Variants in LIN28B observed in about 807,000 individuals in gnomAD.
The protein encoded by LIN28B is lin-28 RNA binding posttranscriptional regulator B, also known as protein lin-28 homolog B.
LIN28B carries 5 observed loss-of-function variants against 21.9 expected under a neutral mutation model. That is an observed-to-expected ratio of 0.23 (90% CI 0.12 to 0.48). LIN28B has a LOEUF of 0.48. Ranked by LOEUF, LIN28B falls within the 20% of genes least tolerant of loss-of-function variation. The pLI is 0.98. For missense variants in LIN28B, 245 were observed against 310.5 expected, an observed-to-expected ratio of 0.79 and a Z score of 1.58; for synonymous variants, 109 against 111.3, an observed-to-expected ratio of 0.98 and a Z score of 0.13.
chr6:104,968,742 A>G (rs1769914411), intron 2 of LIN28B, among the ~76,000 whole-genome samples: 1 of 152,184 alleles, frequency 6.6e-6, no homozygotes, highest in African/African-American at 2.4e-5. Flanking sequence ...GAGATAGTGA[A>G]TAGAATGTTC....
At chr6:104,955,339 A>G (rs1395525447), upstream of LIN28B, among the ~76,000 whole-genome samples, 1 of 152,134 alleles carries the variant, frequency 6.6e-6, no homozygotes, top group Non-Finnish European at 1.5e-5. Flanking sequence ...AACAGCTGGC[A>G]CAGGATTATT....
At chr6:105,070,231 G>C (rs924880816) in intron 3 of LIN28B, among the ~76,000 whole-genome samples, 1 of 152,164 alleles carries the variant, frequency 6.6e-6, no homozygotes, top group East Asian at 1.9e-4. Context: ...AATTGGTCTA[G>C]AGTAGGACCA....
chr6:104,989,475 G>A (rs537579492), intron 2 of LIN28B, among the ~76,000 whole-genome samples: 1 of 151,856 alleles, frequency 6.6e-6, no homozygotes, highest in South Asian at 2.1e-4. Flanking sequence ...CGCCCACCTT[G>A]GCCTCCCAAA....
intron 2 of LIN28B, among the ~76,000 whole-genome samples, chr6:104,981,303 G>C (rs1770219343): frequency 6.6e-6 from 1 of 151,984 alleles, no homozygotes; most frequent in Non-Finnish European, 1.5e-5. Flanking sequence ...ATGTCTTTCT[G>C]CTTTAAAGTC....
At chr6:105,009,843 C>T (rs919992251) in intron 2 of LIN28B, among the ~76,000 whole-genome samples, 9 of 152,162 alleles carry the variant, frequency 5.9e-5, no homozygotes, top group Non-Finnish European at 1.3e-4. Context: ...ATTCATTCAT[C>T]AGCTCAGCAG....
At chr6:105,045,684 TAA>T (rs911385502) in intron 3 of LIN28B, 3 of 152,192 alleles carry the variant, frequency 2.0e-5, no homozygotes, top group Admixed American at 6.5e-5. Flanking sequence ...CACTTCATAT[TAA>T]AAGAGTTAAT....
intron 3 of LIN28B, among the ~76,000 whole-genome samples, chr6:105,034,506 A>G (rs1179818618): frequency 6.6e-6 from 1 of 152,030 alleles, no homozygotes; most frequent in Non-Finnish European, 1.5e-5. Flanking sequence ...AGCTTGGGGA[A>G]TTTCTTTAGT....
At chr6:105,002,209 A>G (rs1456336806) in intron 2 of LIN28B, among the ~76,000 whole-genome samples, 1 of 106,512 alleles carries the variant, frequency 9.4e-6, no homozygotes, top group Non-Finnish European at 2.0e-5. Flanking sequence ...GGGTTGGTTC[A>G]TTTTTACCCA....
chr6:104,973,015 G>A (rs927735306), intron 2 of LIN28B, among the ~76,000 whole-genome samples: 7 of 151,962 alleles, frequency 4.6e-5, no homozygotes, highest in Admixed American at 4.6e-4. Flanking sequence ...TGAGGCTGAG[G>A]TGTGAGAATC....
rs191380707 is a variant in LIN28B at position 104,973,642 on chromosome 6, T to C, written c.198+15356T>C. ...TGTCTTTAGCAGAAGTGTCGTTCCT[T>C]GACGAAGAGTGTAGTTGAGAAGAAG... On this transcript the variant is annotated intron_variant, in intron 2 of 3. Transcript: ENST00000345080. Among the ~76,000 whole-genome samples, 268 of 152,352 alleles carry C rather than the reference T, an allele frequency of 1.8e-3. 1 individual carries two copies. Among genetic ancestry groups the C allele is most frequent in the Middle Eastern group, 6.8e-3 (2 of 294 alleles).
At chr6:104,962,617 CAT>C (rs1434258719) in intron 2 of LIN28B, among the ~76,000 whole-genome samples, 3 of 152,090 alleles carry the variant, frequency 2.0e-5, no homozygotes, top group Non-Finnish European at 4.4e-5. Flanking sequence ...ATTTCTTACA[CAT>C]AGTTCAATCA....
At position 105,078,770 on chromosome 6, in the gene LIN28B, G is replaced by T; in HGVS notation, c.740G>T (p.Arg247Met). The part of the protein sequence containing the change: ...QSKKGPSVQK[R>M]KKT Reference sequence around the variant, plus strand: ...AAAAAGGGGCCTTCAGTTCAAAAAAGGAAAAAGACATAACAGGTCTTCTTC... The same window carrying T: ...AAAAAGGGGCCTTCAGTTCAAAAAATGAAAAAGACATAACAGGTCTTCTTC... The change falls in exon 4 of 4, where the codon AGG becomes ATG. Residue 247 changes from arginine (R) to methionine (M), a missense_variant. By Grantham distance (91) the Arg-to-Met change is moderately conservative. Coordinates refer to ENST00000345080, the MANE Select transcript of LIN28B (RefSeq NM_001004317.4). 6.2e-7 allele frequency: 1 copy of T among 1,611,730 alleles called. No homozygotes were observed. Among genetic ancestry groups the T allele is most frequent in the Non-Finnish European group, 8.5e-7 (1 of 1,179,116 alleles).
intron 3 of LIN28B, among the ~76,000 whole-genome samples, chr6:105,036,408 G>T (rs1030653540): frequency 4.6e-5 from 7 of 152,130 alleles, no homozygotes; most frequent in African/African-American, 1.7e-4. Flanking sequence ...TCTATCCCAA[G>T]TTTCTTTATT....
intron 2 of LIN28B, among the ~76,000 whole-genome samples, chr6:104,937,919 A>C (rs1198207757): frequency 6.6e-6 from 1 of 152,044 alleles, no homozygotes; most frequent in African/African-American, 2.4e-5. Context: ...GATATATTCT[A>C]AAAGTAAAGC....
chr6:105,075,370 C>A (rs764982843), intron 3 of LIN28B, among the ~76,000 whole-genome samples: 8 of 152,122 alleles, frequency 5.3e-5, no homozygotes, highest in Non-Finnish European at 1.0e-4. Flanking sequence ...TGCAAGGTAG[C>A]TGAACATTTC....
intron 2 of LIN28B, among the ~76,000 whole-genome samples, chr6:104,991,132 G>T (rs963870697): frequency 8.3e-6 from 1 of 120,064 alleles, no homozygotes; most frequent in African/African-American, 3.2e-5. Flanking sequence ...CCCAGAAGGG[G>T]CGGCCGGGCA....
rs1772540925 is a variant in LIN28B at position 105,081,490 on chromosome 6, G to A, written c.*2707G>A. 1 of 152,560 alleles carries A rather than the reference G, an allele frequency of 6.6e-6. No individual in the cohort carries two copies. The highest frequency in any genetic ancestry group is 2.4e-5 in the African/African-American group (1 of 41,426). The allele number at this position is 152,560 out of a possible 1,614,324, so 9.5% of individuals were successfully genotyped here. A position where few individuals can be genotyped will look rare whatever the true frequency, so the allele number is the denominator to read the frequency against. On this transcript the variant is annotated 3_prime_UTR_variant, in exon 4 of 4. Transcript: ENST00000345080. ...GTATGTATGCTGTTCCAGCCTTACA[G>A]GTGGCTGATAATTCTCTGGTACAGA...
intron 3 of LIN28B, among the ~76,000 whole-genome samples, chr6:105,057,769 G>A (rs955677646): frequency 6.6e-6 from 1 of 152,036 alleles, no homozygotes; most frequent in Non-Finnish European, 1.5e-5. Context: ...AATATAGATA[G>A]TTTAAATTAT....
chr6:104,954,370 A>T (rs1778258595), upstream of LIN28B, among the ~76,000 whole-genome samples: 1 of 152,170 alleles, frequency 6.6e-6, no homozygotes, highest in African/African-American at 2.4e-5. Flanking sequence ...TTTAGGCTCA[A>T]AAGTTTTGGG....
Sources: gnomAD v4.1 joint callset for allele counts (sites outside exome capture counted in the v4.1 genomes callset) on GRCh38, gnomAD v4.1.1 for gene constraint, MANE v1.5 for transcripts, NCBI Gene and HGNC (gene_info 2026-07-23, HGNC 2026-07-21) for gene names.